Variants in PCDHGA10 observed in about 807,000 individuals in gnomAD.
PCDHGA10 encodes protocadherin gamma-A10.
A neutral mutation model predicts 59.5 loss-of-function variants in PCDHGA10; 42 were observed. The observed-to-expected ratio is 0.71, with a 90% CI of 0.55 to 0.91. The LOEUF is 0.91. Among genes scored for constraint, PCDHGA10 ranks in the 40% least tolerant of loss-of-function variants. PCDHGA10 has a pLI of 0.00. For synonymous variants in PCDHGA10, 511 were observed against 517.2 expected, an observed-to-expected ratio of 0.99 and a Z score of 0.16; for missense variants, 1,111 against 1,198.2, an observed-to-expected ratio of 0.93 and a Z score of 1.07.
Position 141,487,397 on chromosome 5 carries a change from G to A in PCDHGA10, c.2437-7410G>A. 1 of 1,614,062 alleles carries A rather than the reference G, an allele frequency of 6.2e-7. No homozygotes were observed. Among genetic ancestry groups the A allele is most frequent in the Middle Eastern group, 1.6e-4 (1 of 6,062 alleles). Reference sequence around the variant, plus strand: ...TCTCACCAGATCTCGAAGGAGGGAGGGGCTTCCCCCTTCCAATGGGATCCT... The same window carrying A: ...TCTCACCAGATCTCGAAGGAGGGAGAGGCTTCCCCCTTCCAATGGGATCCT... On this transcript the variant is annotated intron_variant, in intron 1 of 3. Coordinates refer to ENST00000398610, the MANE Select transcript of PCDHGA10 (RefSeq NM_018913.3). This position sits in a 1 kb window ranked among gnomAD's most constrained non-coding sequence, Gnocchi z 5.0.
At chr5:141,499,247 A>C (rs908111927) in intron 2 of PCDHGA10, among the ~76,000 whole-genome samples, 1 of 152,036 alleles carries the variant, frequency 6.6e-6, no homozygotes, top group Non-Finnish European at 1.5e-5. Flanking sequence ...CTCTGCACAA[A>C]GAGTCTCCAT....
At chr5:141,510,322 A>G (rs62379243) in intron 3 of PCDHGA10, among the ~76,000 whole-genome samples, 36,300 of 150,290 alleles carry the variant, frequency 0.24, 4,456 homozygotes, top group Admixed American at 0.32. Flanking sequence ...TTGGAAGAGC[A>G]CTCTTCACCC....
intron 1 of PCDHGA10, among the ~76,000 whole-genome samples, chr5:141,420,793 T>C (rs1400287885): frequency 6.6e-6 from 1 of 152,268 alleles, no homozygotes; most frequent in Non-Finnish European, 1.5e-5. Flanking sequence ...TGAAAACTTT[T>C]TAAAAATTAA....
chr5:141,482,981 A>C (rs1377809325), intron 1 of PCDHGA10, among the ~76,000 whole-genome samples: 1 of 150,250 alleles, frequency 6.7e-6, no homozygotes, highest in Non-Finnish European at 1.5e-5. Context: ...GCTACTTGAG[A>C]GGTCGAGGCA....
At chr5:141,425,018 T>C (rs2096853023) in intron 1 of PCDHGA10, among the ~76,000 whole-genome samples, 1 of 152,224 alleles carries the variant, frequency 6.6e-6, no homozygotes, top group Non-Finnish European at 1.5e-5. Context: ...TTTAGGAATT[T>C]ACCTTATGTC....
chr5:141,478,882 A>G, intron 1 of PCDHGA10: 1 of 1,200,164 alleles, frequency 8.3e-7, no homozygotes. Context: ...TTAGCTTGGT[A>G]TCATTTACAT....
Position 141,491,755 on chromosome 5 carries a change from G to A in PCDHGA10, c.2437-3052G>A. On this transcript the variant is annotated intron_variant, in intron 1 of 3. Transcript: ENST00000398610. This position sits in a 1 kb window ranked among gnomAD's most constrained non-coding sequence, Gnocchi z 6.9. Reference sequence around the variant, plus strand: ...CCCTGGGGGCGGCACTGGAGAAGCCGCCCGTCCTCATAAGGGATTGAACTT... The same window carrying A: ...CCCTGGGGGCGGCACTGGAGAAGCCACCCGTCCTCATAAGGGATTGAACTT... 6 of 1,582,196 alleles carry A rather than the reference G, an allele frequency of 3.8e-6. No individual in the cohort carries two copies. The highest frequency in any genetic ancestry group is 5.1e-6 in the Non-Finnish European group (6 of 1,165,450).
intron 1 of PCDHGA10, chr5:141,478,072 G>A (rs752905249): frequency 6.2e-7 from 1 of 1,614,048 alleles, no homozygotes; most frequent in Admixed American, 1.7e-5. Flanking sequence ...AAGACAATGG[G>A]GAGCCTTCGC....
At chr5:141,417,753 C>T (rs889153718) in intron 1 of PCDHGA10, 3 of 1,431,672 alleles carry the variant, frequency 2.1e-6, no homozygotes, top group African/African-American at 2.9e-5. Flanking sequence ...ATTGCCAGCT[C>T]CGAGACCCGG....
intron 3 of PCDHGA10, among the ~76,000 whole-genome samples, chr5:141,509,693 G>A (rs72790076): frequency 0.024 from 3,613 of 152,246 alleles, 55 homozygotes; most frequent in East Asian, 0.046. Flanking sequence ...ACAGTGGGAC[G>A]TTGGACTGGA....
chr5:141,501,290 T>TACACATACACAC (rs1224133816), intron 2 of PCDHGA10, among the ~76,000 whole-genome samples: 9 of 136,158 alleles, frequency 6.6e-5, no homozygotes, highest in Admixed American at 1.6e-4. Context: ...TATTCCCTTA[T>TACACATACACAC]ACACACACAC....
chr5:141,474,430 C>T (rs2099349577), intron 1 of PCDHGA10, among the ~76,000 whole-genome samples: 1 of 152,212 alleles, frequency 6.6e-6, no homozygotes, highest in African/African-American at 2.4e-5. Flanking sequence ...TTGGTCCTCA[C>T]ACTTTGAGTA....
chr5:141,478,392 A>G, intron 1 of PCDHGA10: 1 of 1,613,560 alleles, frequency 6.2e-7, no homozygotes, highest in Non-Finnish European at 8.5e-7. Context: ...CTTTACCATC[A>G]GGTGTATCTC....
intron 1 of PCDHGA10, among the ~76,000 whole-genome samples, chr5:141,445,119 T>C (rs975225604): frequency 1.3e-5 from 2 of 152,270 alleles, no homozygotes; most frequent in African/African-American, 4.8e-5. Context: ...TTGTAAATAG[T>C]ATTTTTAAAA....
At chr5:141,424,715 G>A (rs1299933373) in intron 1 of PCDHGA10, 1 of 152,132 alleles carries the variant, frequency 6.6e-6, no homozygotes, top group Admixed American at 6.6e-5. Flanking sequence ...TTTCAGTGTA[G>A]TTGGGAGTCA....
intron 2 of PCDHGA10, among the ~76,000 whole-genome samples, chr5:141,499,772 C>T (rs1217675128): frequency 1.0e-4 from 15 of 147,946 alleles, no homozygotes; most frequent in Admixed American, 9.0e-4. Context: ...CTGCAGCCTT[C>T]GCCTCCCGGG....
intron 1 of PCDHGA10, chr5:141,420,146 C>G (rs372634787): frequency 1.9e-6 from 3 of 1,613,962 alleles, no homozygotes; most frequent in Non-Finnish European, 2.5e-6. Flanking sequence ...TCAAATGAAT[C>G]CAGAATTTAA....
intron 1 of PCDHGA10, among the ~76,000 whole-genome samples, chr5:141,482,257 T>C (rs2099555476): frequency 1.3e-5 from 2 of 152,156 alleles, no homozygotes; most frequent in Admixed American, 1.3e-4. Context: ...ACTGTACATA[T>C]TAGTTGTTTA....
chr5:141,458,556 T>C (rs1424881453), intron 1 of PCDHGA10, among the ~76,000 whole-genome samples: 1 of 145,670 alleles, frequency 6.9e-6, no homozygotes, highest in Non-Finnish European at 1.5e-5. Flanking sequence ...TTGTTTGTTT[T>C]GGTTTTGGGT....
Sources: allele counts gnomAD v4.1 joint callset (sites outside exome capture counted in the v4.1 genomes callset), GRCh38; gene constraint gnomAD v4.1.1; non-coding constraint Gnocchi (gnomAD v3.1); transcripts MANE v1.5; gene names NCBI Gene and HGNC (gene_info 2026-07-23, HGNC 2026-07-21).